Variants in DMD observed in about 807,000 individuals in gnomAD.
The protein encoded by DMD is mutant dystrophin.
In DMD, 63 loss-of-function variants were observed where a neutral mutation model predicts 330.1. The ratio of observed to expected loss-of-function variants is 0.19; its 90% confidence interval spans 0.16 to 0.24. The LOEUF (loss-of-function observed/expected upper bound fraction) is 0.24, where lower values mean the gene tolerates loss of function less well. Ranked by LOEUF, DMD falls within the 10% of genes least tolerant of loss-of-function variation. The pLI is 1.00. For missense variants in DMD, 3,344 were observed against 2,684.1 expected, an observed-to-expected ratio of 1.25 and a Z score of -5.43; for synonymous variants, 1,223 against 959.8, an observed-to-expected ratio of 1.27 and a Z score of -5.07.
intron 11 of DMD, among the ~76,000 whole-genome samples, chrX:32,619,143 A>T (rs1054242582): frequency 1.8e-5 from 2 of 111,686 alleles, no homozygotes; most frequent in African/African-American, 6.5e-5. Context: ...AAAAGAATAA[A>T]ATACTGTCAT....
intron 55 of DMD, among the ~76,000 whole-genome samples, chrX:31,558,671 CGT>C (rs1491183174): frequency 1.9e-5 from 2 of 106,104 alleles, no homozygotes; most frequent in East Asian, 6.1e-4. Context: ...TATATGTGTG[CGT>C]ATATATATAT....
chrX:32,155,407 C>G (rs987412478), intron 44 of DMD: 10 of 752,572 alleles, frequency 1.3e-5, no homozygotes, highest in Non-Finnish European at 1.6e-5. Flanking sequence ...TCGGTCCCCA[C>G]GGATGCTTTT....
intron 74 of DMD, among the ~76,000 whole-genome samples, chrX:31,163,545 CAT>C (rs1169759254): frequency 1.8e-5 from 2 of 112,251 alleles, no homozygotes; most frequent in Non-Finnish European, 3.8e-5. Context: ...ACTTTAAAAA[CAT>C]GTGGGAACAG....
At chrX:32,988,318 A>G (rs1298989477) in intron 2 of DMD, among the ~76,000 whole-genome samples, 1 of 112,021 alleles carries the variant, frequency 8.9e-6, no homozygotes, top group Non-Finnish European at 1.9e-5. Context: ...AGAAATCACT[A>G]AAATGGAATC....
intron 7 of DMD, among the ~76,000 whole-genome samples, chrX:32,773,725 T>A (rs2073872253): frequency 9.0e-6 from 1 of 110,952 alleles, no homozygotes. Context: ...TTATTTTCTA[T>A]TATTTTTCTT....
At chrX:32,715,469 CAAAAAAAAAAAAAAAAAA>C (rs61325834) in intron 7 of DMD, among the ~76,000 whole-genome samples, 26 of 17,218 alleles carry the variant, frequency 1.5e-3, no homozygotes, top group African/African-American at 4.3e-3. Context: ...GAGATTCCAT[CAAAAAAAAAAAAAAAAAA>C]AAAAAAAAGG....
intron 44 of DMD, among the ~76,000 whole-genome samples, chrX:32,201,044 A>C (rs905367965): frequency 8.9e-6 from 1 of 111,887 alleles, no homozygotes; most frequent in African/African-American, 3.3e-5. Flanking sequence ...TGTAGCATTC[A>C]CACAAATAGG....
chrX:31,459,174 G>T (rs1280923142), intron 59 of DMD, among the ~76,000 whole-genome samples: 1 of 111,490 alleles, frequency 9.0e-6, no homozygotes, highest in Non-Finnish European at 1.9e-5. Context: ...GTAAAATGCC[G>T]TTGCATACAG....
At chrX:31,780,849 A>G (rs73461835) in intron 50 of DMD, among the ~76,000 whole-genome samples, 14,788 of 111,413 alleles carry the variant, frequency 0.13, 725 homozygotes, top group Admixed American at 0.19. Flanking sequence ...AACATCAATA[A>G]TTCTCATTTT....
chrX:32,335,901 C>CAT (rs1182401586), intron 41 of DMD, among the ~76,000 whole-genome samples: 1 of 103,738 alleles, frequency 9.6e-6, no homozygotes, highest in Non-Finnish European at 2.0e-5. Context: ...ACATGTTATA[C>CAT]ATATAACGTG....
chrX:32,029,950 C>G (rs1392824047), intron 44 of DMD, among the ~76,000 whole-genome samples: 1 of 111,422 alleles, frequency 9.0e-6, no homozygotes, highest in Admixed American at 9.5e-5. Flanking sequence ...ACATGCTTAG[C>G]AACCAGATCC....
chrX:32,657,745 G>T (rs188183189), intron 9 of DMD, among the ~76,000 whole-genome samples: 1 of 111,766 alleles, frequency 8.9e-6, no homozygotes, highest in East Asian at 2.8e-4. Flanking sequence ...ATTTAAAATA[G>T]GATAGTTACA....
chrX:31,959,703 G>A (rs1008626607), intron 45 of DMD, among the ~76,000 whole-genome samples: 3 of 109,196 alleles, frequency 2.7e-5, no homozygotes, highest in Non-Finnish European at 3.8e-5. Flanking sequence ...CATTTTTTGG[G>A]GATTCTATCC....
chrX:31,258,087 G>A (rs1270001746), intron 63 of DMD, among the ~76,000 whole-genome samples: 1 of 112,414 alleles, frequency 8.9e-6, no homozygotes, highest in Non-Finnish European at 1.9e-5. Flanking sequence ...CTATTCATAG[G>A]TAAAACTATC....
chrX:32,187,118 G>T (rs2147530622), intron 44 of DMD, among the ~76,000 whole-genome samples: 1 of 111,023 alleles, frequency 9.0e-6, no homozygotes, highest in Non-Finnish European at 1.9e-5. Flanking sequence ...ATAAAACGAT[G>T]TTACAAATCA....
chrX:31,769,409 C>T (rs1490555983), intron 51 of DMD, among the ~76,000 whole-genome samples: 1 of 112,054 alleles, frequency 8.9e-6, no homozygotes, highest in Non-Finnish European at 1.9e-5. Flanking sequence ...GTGTCATGGT[C>T]AAACAAATTT....
intron 55 of DMD, among the ~76,000 whole-genome samples, chrX:31,575,576 GGTAC>G (rs1459878464): frequency 9.0e-6 from 1 of 111,607 alleles, no homozygotes; most frequent in Non-Finnish European, 1.9e-5. Flanking sequence ...GTTTTCCTTT[GGTAC>G]TGTACCATAT....
At chrX:32,779,877 AAG>A (rs1395610342) in intron 7 of DMD, among the ~76,000 whole-genome samples, 1 of 111,824 alleles carries the variant, frequency 8.9e-6, no homozygotes. Flanking sequence ...AAATCAAAAA[AAG>A]AAAAATTTTA....
intron 4 of DMD, among the ~76,000 whole-genome samples, chrX:32,839,694 A>G (rs2079982794): frequency 9.2e-6 from 1 of 108,654 alleles, no homozygotes; most frequent in African/African-American, 3.4e-5. Context: ...ATTTTTGTTT[A>G]TACTTATGAC....
Sources: allele counts gnomAD v4.1 joint callset (sites outside exome capture counted in the v4.1 genomes callset), GRCh38; gene constraint gnomAD v4.1.1; transcripts MANE v1.5; gene names NCBI Gene and HGNC (gene_info 2026-07-23, HGNC 2026-07-21).